The following SLIT3 variants were observed in gnomAD, a reference collection of about 807,000 sequenced individuals.
The protein encoded by SLIT3 is slit guidance ligand 3, also known as slit homolog 3 protein.
SLIT3 carries 68 observed loss-of-function variants against 184.0 expected under a neutral mutation model. The observed-to-expected ratio is 0.37, with a 90% CI of 0.30 to 0.45. The LOEUF is 0.45. SLIT3 is among the 20% of genes least tolerant of loss of function. SLIT3 has a pLI of 1.00. For synonymous variants in SLIT3, 831 were observed against 828.6 expected (o/e 1.00, Z -0.05); for missense variants, 1,707 against 2,026.0 (o/e 0.84, Z 3.02).
chr5:168,925,793 A>C (rs887715306), intron 4 of SLIT3, among the ~76,000 whole-genome samples: 1 of 152,212 alleles, frequency 6.6e-6, no homozygotes, highest in Admixed American at 6.5e-5. Context: ...ATAAAAGGAA[A>C]GAGAATGTCG....
intron 4 of SLIT3, among the ~76,000 whole-genome samples, chr5:168,924,314 G>C (rs899515706): frequency 1.3e-5 from 2 of 152,112 alleles, no homozygotes; most frequent in Admixed American, 6.5e-5. Flanking sequence ...TCTTTGCCTG[G>C]CTTCCTCTTC....
intron 3 of SLIT3, among the ~76,000 whole-genome samples, chr5:169,239,682 G>T (rs1371085259): frequency 6.6e-6 from 1 of 151,732 alleles, no homozygotes; most frequent in Non-Finnish European, 1.5e-5. Flanking sequence ...GATATGTCTT[G>T]TCAGTGTCTG....
intron 21 of SLIT3, among the ~76,000 whole-genome samples, chr5:168,724,174 G>A (rs767602163): frequency 1.3e-5 from 2 of 152,150 alleles, no homozygotes; most frequent in Non-Finnish European, 2.9e-5. Flanking sequence ...ATCCCACAGA[G>A]AGATGGTGTT....
chr5:168,669,309 T>C (rs1490495246), intron 35 of SLIT3, among the ~76,000 whole-genome samples: 1 of 152,228 alleles, frequency 6.6e-6, no homozygotes, highest in Non-Finnish European at 1.5e-5. Context: ...CCAGCTGCCC[T>C]GGCGCAAGGA....
At chr5:169,159,230 C>CA (rs1250109305) in intron 4 of SLIT3, among the ~76,000 whole-genome samples, 4 of 151,576 alleles carry the variant, frequency 2.6e-5, no homozygotes, top group African/African-American at 9.7e-5. Flanking sequence ...ACTAATAATA[C>CA]AAAAATTAGC....
intron 5 of SLIT3, among the ~76,000 whole-genome samples, chr5:168,871,086 C>T (rs1393164705): frequency 6.6e-6 from 1 of 152,226 alleles, no homozygotes; most frequent in Admixed American, 6.5e-5. Flanking sequence ...GTCAGCAGGA[C>T]TGCGTTCCTT....
intron 23 of SLIT3, among the ~76,000 whole-genome samples, chr5:168,715,515 G>A (rs1051433218): frequency 6.6e-6 from 1 of 152,308 alleles, no homozygotes; most frequent in Middle Eastern, 3.4e-3. Flanking sequence ...TCTCTGGAAC[G>A]ATGAGGGCAG....
intron 3 of SLIT3, among the ~76,000 whole-genome samples, chr5:169,240,024 T>G (rs1377439051): frequency 6.6e-6 from 1 of 152,076 alleles, no homozygotes; most frequent in Non-Finnish European, 1.5e-5. Flanking sequence ...GATATGTTCT[T>G]CAACTCGGAG....
At chr5:168,817,621 T>C (rs1270160102) in intron 7 of SLIT3, among the ~76,000 whole-genome samples, 158 bp from the exon 8 acceptor site, 2 of 152,214 alleles carry the variant, frequency 1.3e-5, no homozygotes, top group Admixed American at 1.3e-4. Context: ...ACCAAAAACA[T>C]GGGAGCCCCA....
At chr5:168,880,683 G>GTT (rs1759918271) in intron 5 of SLIT3, among the ~76,000 whole-genome samples, 1 of 152,120 alleles carries the variant, frequency 6.6e-6, no homozygotes, top group Non-Finnish European at 1.5e-5. Context: ...TTTATACAGT[G>GTT]GAAACATAGG....
In SLIT3 at chr5:168,817,427, G is replaced by A. The variant is rs764668169; in HGVS notation, c.666C>T (p.His222=). 3.1e-6 allele frequency: 5 copies of A among 1,614,118 alleles called. No homozygotes were observed. Among genetic ancestry groups the A allele is most frequent in the Non-Finnish European group, 4.2e-6 (5 of 1,180,052 alleles). The change falls in exon 8 of 36, where the codon CAC becomes CAT. Residue 222 remains histidine, a synonymous_variant. Transcript: ENST00000519560. The stretch of plus-strand genomic sequence containing the variant: ...GCAGCCAATCCGAGAGCCAGGCCAG[G>A]TGGCAGTCGCAGTACAGGTGGTTGG... ...LHSNHLYCDC[H]LAWLSDWLRQ...
chr5:168,895,354 T>G (rs1384346748), intron 4 of SLIT3, among the ~76,000 whole-genome samples: 2 of 152,142 alleles, frequency 1.3e-5, no homozygotes, highest in Admixed American at 1.3e-4. Flanking sequence ...AGGTTGGAGT[T>G]TGGCAGGCAG....
chr5:168,776,487 T>G (rs1206740052), intron 12 of SLIT3, among the ~76,000 whole-genome samples: 1 of 152,138 alleles, frequency 6.6e-6, no homozygotes, highest in African/African-American at 2.4e-5. Flanking sequence ...GACTCACAAG[T>G]GATAGGGGAG....
intron 4 of SLIT3, among the ~76,000 whole-genome samples, chr5:168,893,767 T>C (rs1016073070): frequency 6.6e-6 from 1 of 152,102 alleles, no homozygotes. Flanking sequence ...TGTTCTGAAA[T>C]GAAGTGTGTG....
At chr5:168,850,183 A>G (rs962239471) in intron 5 of SLIT3, among the ~76,000 whole-genome samples, 8 of 152,192 alleles carry the variant, frequency 5.3e-5, no homozygotes, top group Admixed American at 3.9e-4. Context: ...GAAATCAAAC[A>G]CTTGATCTAA....
At chr5:169,257,690 T>A (rs1766019430) in intron 1 of SLIT3, among the ~76,000 whole-genome samples, 1 of 151,632 alleles carries the variant, frequency 6.6e-6, no homozygotes, top group South Asian at 2.1e-4. Context: ...GTAACTGGGA[T>A]TACAGGTGCC....
In SLIT3 at chr5:169,000,071, C is replaced by CA. The variant is rs370327429; in HGVS notation, c.414-116736dup. Among the ~76,000 whole-genome samples, 1,454 of 152,116 alleles carry CA rather than the reference C, an allele frequency of 9.6e-3. 24 individuals are homozygous for CA. Among genetic ancestry groups the CA allele is most frequent in the African/African-American group, 0.033 (1,371 of 41,504 alleles). ...CAAATACTGCGATCATTATTGACGA[C>CA]AAAAAATCAGTGCTCAACAAATGCT... On this transcript the variant is annotated intron_variant, in intron 4 of 35. Transcript: ENST00000519560.
chr5:168,924,189 T>C (rs929541186), intron 4 of SLIT3, among the ~76,000 whole-genome samples: 3 of 152,212 alleles, frequency 2.0e-5, no homozygotes, highest in Non-Finnish European at 4.4e-5. Context: ...TGGCAGACTT[T>C]TGGCCACTCA....
Position 168,749,650 on chromosome 5 carries a change from G to C in SLIT3, c.1974-15C>G. 1 of 1,613,996 alleles carries C rather than the reference G, an allele frequency of 6.2e-7. No homozygotes were observed. Among genetic ancestry groups the C allele is most frequent in the Non-Finnish European group, 8.5e-7 (1 of 1,179,920 alleles). ...ACAGGAGGTTTCTAGGAAGAGAGAA[G>C]GGTGCTTAGCCTCCATCCTTCTACT... is the stretch of plus-strand genomic sequence containing the variant. On this transcript the variant is annotated splice_polypyrimidine_tract_variant and intron_variant, in intron 18 of 35. Transcript: ENST00000519560.
Sources: allele counts gnomAD v4.1 joint callset (sites outside exome capture counted in the v4.1 genomes callset), GRCh38; gene constraint gnomAD v4.1.1; transcripts MANE v1.5; gene names NCBI Gene and HGNC (gene_info 2026-07-23, HGNC 2026-07-21).